Variants in BPIFB6 observed in about 807,000 individuals in gnomAD.
BPIFB6 encodes the protein BPI fold containing family B member 6.
In BPIFB6, 47 loss-of-function variants were observed where a neutral mutation model predicts 54.7. That is an observed-to-expected ratio of 0.86 (90% CI 0.68 to 1.10). The LOEUF is 1.10. BPIFB6 is among the 50% of genes least tolerant of loss of function. The pLI, the probability that BPIFB6 is intolerant of heterozygous loss-of-function variation, is 0.00. For synonymous variants in BPIFB6, 255 were observed against 225.9 expected, an observed-to-expected ratio of 1.13 and a Z score of -1.16; for missense variants, 603 against 564.1, an observed-to-expected ratio of 1.07 and a Z score of -0.70.
At chr20:33,036,850 G>A (rs1490277216) in intron 7 of BPIFB6, among the ~76,000 whole-genome samples, 1 of 152,162 alleles carries the variant, frequency 6.6e-6, no homozygotes, top group Non-Finnish European at 1.5e-5. Flanking sequence ...GGAGGTCCAG[G>A]CACAGGCAGG....
At position 33,035,226 on chromosome 20, in the gene BPIFB6, G is replaced by A. The variant is rs1337939914; in HGVS notation, c.516+82G>A. ...CTGGCAAATGCATTTCATGTTGGGT[G>A]CTGACCCTGATTGACTGATAGTGGC... On this transcript the variant is annotated intron_variant, in intron 5 of 14. Coordinates refer to ENST00000349552, the MANE Select transcript of BPIFB6 (RefSeq NM_174897.2). 4 of 1,415,468 alleles carry A rather than the reference G, an allele frequency of 2.8e-6. No homozygotes were observed. The East Asian group carries it at 9.2e-5, about 32-fold the overall frequency. The allele number at this position is 1,415,468 out of a possible 1,614,324, so 87.7% of individuals were successfully genotyped here. A position where few individuals can be genotyped will look rare whatever the true frequency, so the allele number is the denominator to read the frequency against.
chr20:33,036,634 T>C (rs1195211281), intron 7 of BPIFB6, 98 bp downstream of exon 7: 13 of 1,174,530 alleles, frequency 1.1e-5, no homozygotes, highest in Non-Finnish European at 1.7e-5. Flanking sequence ...ACTAGGGCTG[T>C]GGAGGGAGGG....
chr20:33,042,924 T>C (rs765348697), intron 13 of BPIFB6, 46 bp downstream of exon 13: 2 of 1,574,450 alleles, frequency 1.3e-6, no homozygotes, highest in East Asian at 4.5e-5. Flanking sequence ...AGAAGCACTT[T>C]AAGCAATAAG....
chr20:33,039,654 C>A, intron 10 of BPIFB6, 134 bp downstream of exon 10: 1 of 1,014,144 alleles, frequency 9.9e-7, no homozygotes, highest in Non-Finnish European at 1.4e-6. Context: ...TGATCCTTGG[C>A]TCTGCCACTG....
In BPIFB6 at chr20:33,042,002, T is replaced by C. The variant is rs771834354; in HGVS notation, c.1175T>C (p.Ile392Thr). ...AGCTTGTCCCGGAAGTCCTCATCGA[T>C]TGGCAACTTCAATGTAAGTGTCCCA... ...LLSLSRKSSS[I>T]GNFNERELTG... The change falls in exon 12 of 15, where the codon ATT (isoleucine) becomes ACT (threonine). Residue 392 changes from isoleucine (I) to threonine (T), a missense_variant. Transcript: ENST00000349552. The C allele has an allele frequency of 9.3e-6, 15 of 1,614,024 alleles. No homozygotes were observed. The highest frequency in any genetic ancestry group is 1.2e-5 in the Non-Finnish European group (14 of 1,180,004).
At chr20:33,032,458 C>G (rs1407676757) in intron 1 of BPIFB6, among the ~76,000 whole-genome samples, 1 of 152,146 alleles carries the variant, frequency 6.6e-6, no homozygotes, top group African/African-American at 2.4e-5. Context: ...CCAGAGGAGT[C>G]CCCTAATCAC....
chr20:33,032,336 G>C (rs1979139295), intron 1 of BPIFB6, among the ~76,000 whole-genome samples: 1 of 152,186 alleles, frequency 6.6e-6, no homozygotes, highest in Non-Finnish European at 1.5e-5. Flanking sequence ...TCTGGAATTA[G>C]CTTGTGACCA....
intron 2 of BPIFB6, chr20:33,033,563 A>G (rs1186499233): frequency 8.8e-6 from 4 of 456,732 alleles, no homozygotes; most frequent in African/African-American, 4.0e-5. Flanking sequence ...AGGAACTAGG[A>G]CTGTGATCAA....
Position 33,035,655 on chromosome 20 carries a change from AG to A in BPIFB6, c.561del (p.Lys187AsnfsTer21). 1 of 1,614,160 alleles carries A rather than the reference AG, an allele frequency of 6.2e-7. No individual in the cohort carries two copies. Among genetic ancestry groups the A allele is most frequent in the Non-Finnish European group, 8.5e-7 (1 of 1,180,022 alleles). ...IDAVLVYVNRKWTNLSDPMPV... is the reference protein window; with the variant it reads ...IDAVLVYVNRXWTNLSDPMPV... ...GCAGTCCTGGTGTATGTGAACAGGA[AG>A]TGGACCAACCTCAGTGGTGAGTGTA... On this transcript the variant is annotated frameshift_variant, in exon 6 of 15. Transcript: ENST00000349552. LOFTEE classifies it high-confidence loss of function.
chr20:33,036,069 G>T (rs1055485128), intron 6 of BPIFB6, among the ~76,000 whole-genome samples: 4 of 152,158 alleles, frequency 2.6e-5, no homozygotes, highest in Non-Finnish European at 4.4e-5. Context: ...GGAAACCTCA[G>T]TGACTGGAAC....
At chr20:33,031,811 C>T in intron 1 of BPIFB6, 67 bp downstream of exon 1, 2 of 1,357,384 alleles carry the variant, frequency 1.5e-6, no homozygotes, top group Non-Finnish European at 2.1e-6. Context: ...TAGGTAGTCA[C>T]TGCTCTTGGT....
intron 1 of BPIFB6, among the ~76,000 whole-genome samples, chr20:33,032,369 G>A (rs1427348140): frequency 2.0e-5 from 3 of 152,150 alleles, no homozygotes; most frequent in Admixed American, 1.3e-4. Flanking sequence ...TTCTGGCGGG[G>A]TGTTACTTGG....
rs371787213 is a variant in BPIFB6 at position 33,037,653 on chromosome 20, C to T, written c.761C>T (p.Ser254Leu). ...CCTGAGGGTTATGCCAAAGGCTCGT[C>T]GCAGCTGCTGCTCCCAGCCACCTTC... ...TFPEGYAKGS[S>L]QLLLPATFLS... The change falls in exon 8 of 15, where the codon TCG (serine) becomes TTG (leucine). Residue 254 changes from serine (S) to leucine (L), a missense_variant. Coordinates refer to ENST00000349552, the MANE Select transcript of BPIFB6 (RefSeq NM_174897.2). 5.0e-6 allele frequency: 8 copies of T among 1,614,160 alleles called. No homozygotes were observed. Among genetic ancestry groups the T allele is most frequent in the East Asian group, 2.2e-5 (1 of 44,874 alleles).
rs1483871596 is a variant in BPIFB6 at position 33,034,181 on chromosome 20, C to A, written c.198-5C>A. The A allele has an allele frequency of 3.1e-6, 5 of 1,611,332 alleles. No homozygotes were observed. The African/African-American group carries it at 6.7e-5, about 22-fold the overall frequency. On this transcript the variant is annotated splice_polypyrimidine_tract_variant and splice_region_variant and intron_variant, in intron 2 of 14. Transcript: ENST00000349552. The stretch of plus-strand genomic sequence containing the variant: ...TTATTGGTGTGGCTGCCTGTCCCTT[C>A]CCAGTTTGAAGGTGAAGGATGTCCA...
At position 33,037,778 on chromosome 20, in the gene BPIFB6, A is replaced by C. The variant is rs200612170; in HGVS notation, c.846+40A>C. Reference sequence around the variant, plus strand: ...TCCCCATTTCCATCTGCCTCTGTCCATTACAATGCAGTCCCTGCCTAGTTT... The same window carrying C: ...TCCCCATTTCCATCTGCCTCTGTCCCTTACAATGCAGTCCCTGCCTAGTTT... On this transcript the variant is annotated intron_variant, in intron 8 of 14. Coordinates refer to ENST00000349552, the MANE Select transcript of BPIFB6 (RefSeq NM_174897.2). The C allele has an allele frequency of 1.8e-5, 29 of 1,598,658 alleles. No homozygotes were observed. In the Admixed American group the frequency reaches 3.7e-4, roughly 20 times the overall value.
chr20:33,039,437 C>T lies in BPIFB6; in HGVS notation c.991C>T (p.Leu331=), dbSNP rs768894788. The change falls in exon 10 of 15, where the codon CTG becomes TTG. Residue 331 remains leucine (L), a synonymous_variant. Coordinates refer to ENST00000349552, the MANE Select transcript of BPIFB6 (RefSeq NM_174897.2). ...PKVTMKTGKS[L]LHLHSTLEMF... ...GGTCACTATGAAGACAGGCAAGAGCCTGCTGCACCTCCACAGCACCCTGGA... is the reference window on the plus strand; with the variant it reads ...GGTCACTATGAAGACAGGCAAGAGCTTGCTGCACCTCCACAGCACCCTGGA... The T allele has an allele frequency of 6.2e-7, 1 of 1,614,226 alleles. No individual in the cohort carries two copies. Among genetic ancestry groups the T allele is most frequent in the South Asian group, 1.1e-5 (1 of 91,078 alleles).
intron 3 of BPIFB6, 76 bp from the exon 4 acceptor site, chr20:33,034,687 T>A: frequency 6.7e-7 from 1 of 1,496,310 alleles, no homozygotes; most frequent in Non-Finnish European, 9.1e-7. Context: ...CTGCTCAGAT[T>A]GTGAGCAAAG....
chr20:33,034,310 G>T lies in BPIFB6; in HGVS notation c.302+20G>T. 1 of 1,562,332 alleles carries T rather than the reference G, an allele frequency of 6.4e-7. No homozygotes were observed. The highest frequency in any genetic ancestry group is 8.8e-7 in the Non-Finnish European group (1 of 1,133,152). ...CAAGAGGTGAGTGTGGCAGGGGAGG[G>T]GCAGCGGGGAGGAGAACGGCCTTCC... On this transcript the variant is annotated intron_variant, in intron 3 of 14. Transcript: ENST00000349552.
intron 14 of BPIFB6, 56 bp from the exon 15 acceptor site, chr20:33,043,959 C>T: frequency 1.9e-6 from 3 of 1,596,936 alleles, no homozygotes; most frequent in East Asian, 2.2e-5. Context: ...TCCATTCCAT[C>T]CCTGGGCCTA....
Sources: allele counts gnomAD v4.1 joint callset (sites outside exome capture counted in the v4.1 genomes callset), GRCh38; gene constraint gnomAD v4.1.1; transcripts MANE v1.5; gene names NCBI Gene and HGNC (gene_info 2026-07-23, HGNC 2026-07-21).